DNAH6: variants seen among roughly 807,000 people sequenced by gnomAD.
DNAH6 encodes the protein dynein axonemal heavy chain 6, also known as axonemal beta dynein heavy chain 6.
DNAH6 carries 340 observed loss-of-function variants against 491.4 expected under a neutral mutation model. That is an observed-to-expected ratio of 0.69 (90% confidence interval 0.63 to 0.76). DNAH6 has a LOEUF of 0.76. DNAH6 is among the 30% of genes least tolerant of loss of function. The pLI, the probability that DNAH6 is intolerant of heterozygous loss-of-function variation, is 0.00. For missense variants in DNAH6, 4,443 were observed against 4,972.2 expected (o/e 0.89, Z 3.20); for synonymous variants, 1,603 against 1,686.1 (o/e 0.95, Z 1.21).
At chr2:84,791,957 G>T (rs1451792302) in intron 68 of DNAH6, among the ~76,000 whole-genome samples, 1 of 152,046 alleles carries the variant, frequency 6.6e-6, no homozygotes, top group Non-Finnish European at 1.5e-5. Context: ...ATTCGTAGTA[G>T]CCAAAATATG....
rs948983901 is a variant in DNAH6, at chr2:84,728,044, C to G, written c.10206+142C>G. ...GATTACTGAATCACGGGGGCAGTTT[C>G]CCCCATACTGTTCTCGTGGTAGTGA... On this transcript the variant is annotated intron_variant, in intron 61 of 76. Transcript: ENST00000389394. The G allele has an allele frequency of 1.7e-4, 105 of 625,714 alleles. No homozygotes were observed. The East Asian group carries it at 2.8e-3, about 17-fold the overall frequency. 38.8% of individuals were successfully genotyped at this position (625,714 alleles called of 1,614,324 possible). A position where few individuals can be genotyped will look rare whatever the true frequency, so the allele number is the denominator to read the frequency against.
intron 43 of DNAH6, among the ~76,000 whole-genome samples, chr2:84,685,699 C>A (rs1032886363): frequency 6.6e-6 from 1 of 151,796 alleles, no homozygotes. Flanking sequence ...GCCTGTAATC[C>A]CAGTACTTTC....
Position 84,632,880 on chromosome 2 carries a change from C to T in DNAH6, c.4516-1624C>T, listed in dbSNP as rs563988382. Among the ~76,000 whole-genome samples, 7 of 152,312 alleles carry T rather than the reference C, an allele frequency of 4.6e-5. No individual in the cohort carries two copies. The South Asian group carries it at 1.2e-3, about 27-fold the overall frequency. On this transcript the variant is annotated intron_variant, in intron 29 of 76. Transcript: ENST00000389394. ...AATTACTTTCTGTTCCCTAAATTAT[C>T]TCCACTTTCTCCAAAGTTGCCCGTT...
At chr2:84,524,561 A>G (rs1251910263) in intron 2 of DNAH6, among the ~76,000 whole-genome samples, 4 of 151,896 alleles carry the variant, frequency 2.6e-5, no homozygotes, top group Admixed American at 1.3e-4. Context: ...GTGTTTTTGT[A>G]TTGGCTGGTA....
intron 71 of DNAH6, 33 bp downstream of exon 71, chr2:84,805,827 G>A: frequency 2.0e-6 from 3 of 1,529,206 alleles, no homozygotes; most frequent in Non-Finnish European, 2.6e-6. Flanking sequence ...TGTATGTAAT[G>A]GGAATTTTAG....
At position 84,698,310 on chromosome 2, in the gene DNAH6, G is replaced by T. The variant is rs554433665; in HGVS notation, c.7677+583G>T. ...TTGTGAGAATTGTCTCTCCTGCTAGGTCGGAGATTATAGGTACAGATGCAA... is the reference window on the plus strand; with the variant it reads ...TTGTGAGAATTGTCTCTCCTGCTAGTTCGGAGATTATAGGTACAGATGCAA... On this transcript the variant is annotated intron_variant, in intron 47 of 76. Transcript: ENST00000389394. Among the ~76,000 whole-genome samples the T allele has an allele frequency of 2.0e-5, 3 of 152,266 alleles. No individual in the cohort carries two copies. The East Asian group carries it at 5.8e-4, about 29-fold the overall frequency.
chr2:84,619,979 A>G, intron 24 of DNAH6, 75 bp downstream of exon 24: 2 of 1,259,392 alleles, frequency 1.6e-6, no homozygotes, highest in Non-Finnish European at 2.2e-6. Flanking sequence ...CTCTAAGCAT[A>G]CAGGTACTCT....
chr2:84,716,227 T>C (rs1163878084), intron 58 of DNAH6, among the ~76,000 whole-genome samples: 1 of 150,874 alleles, frequency 6.6e-6, no homozygotes, highest in Non-Finnish European at 1.5e-5. Context: ...ATTTCCCAAA[T>C]ATTGCATTAT....
chr2:84,461,091 C>T, the DNAH6 span, among the ~76,000 whole-genome samples: 5 of 152,164 alleles, frequency 3.3e-5, no homozygotes, highest in Admixed American at 3.3e-4. Flanking sequence ...AGGGTAATCA[C>T]CCCAGCACCT....
At chr2:84,610,986 A>T (rs1531365) in intron 21 of DNAH6, among the ~76,000 whole-genome samples, 1 of 152,080 alleles carries the variant, frequency 6.6e-6, no homozygotes, top group African/African-American at 2.4e-5. Flanking sequence ...AAGTGGTTGT[A>T]ACATTTGGGC....
the DNAH6 span, among the ~76,000 whole-genome samples, chr2:84,487,737 T>G: frequency 1.3e-5 from 2 of 152,166 alleles, no homozygotes; most frequent in Non-Finnish European, 2.9e-5. Flanking sequence ...TCACAAATAT[T>G]TGGGCCCACT....
intron 46 of DNAH6, 125 bp from the exon 47 acceptor site, chr2:84,697,450 A>G (rs1242472421): frequency 1.8e-6 from 2 of 1,085,856 alleles, no homozygotes; most frequent in Non-Finnish European, 2.6e-6. Context: ...GGGTTCCATG[A>G]AATTTTTAAG....
intron 68 of DNAH6, among the ~76,000 whole-genome samples, chr2:84,790,667 T>G (rs1464965632): frequency 1.3e-5 from 2 of 152,166 alleles, no homozygotes; most frequent in Admixed American, 1.3e-4. Flanking sequence ...AAATGAAAGT[T>G]AAATCTCTAA....
chr2:84,694,087 G>T (rs1397327749), intron 45 of DNAH6, among the ~76,000 whole-genome samples, 162 bp from the exon 46 acceptor site: 1 of 152,256 alleles, frequency 6.6e-6, no homozygotes, highest in Non-Finnish European at 1.5e-5. Context: ...CAGCAGTGCT[G>T]TTCACCAAAC....
chr2:84,635,306 C>T (rs1045958443), intron 30 of DNAH6, among the ~76,000 whole-genome samples: 3 of 152,186 alleles, frequency 2.0e-5, no homozygotes, highest in African/African-American at 7.2e-5. Flanking sequence ...ATGGTATGTG[C>T]TCACACTTAT....
chr2:84,607,411 A>T (rs1422985971), intron 21 of DNAH6, among the ~76,000 whole-genome samples: 3 of 152,170 alleles, frequency 2.0e-5, no homozygotes, highest in Admixed American at 2.0e-4. Flanking sequence ...GTTTCCAAGA[A>T]CATATAAAAG....
At chr2:84,524,339 G>T (rs1421438448) in intron 2 of DNAH6, among the ~76,000 whole-genome samples, 1 of 151,778 alleles carries the variant, frequency 6.6e-6, no homozygotes, top group Non-Finnish European at 1.5e-5. Flanking sequence ...GTCCCTGGGT[G>T]TTACTGCATG....
At chr2:84,483,695 A>G in the DNAH6 span, among the ~76,000 whole-genome samples, 1 of 152,218 alleles carries the variant, frequency 6.6e-6, no homozygotes, top group South Asian at 2.1e-4. Flanking sequence ...TAAAATAATT[A>G]TAGATTTATA....
chr2:84,733,392 A>G, intron 61 of DNAH6, 52 bp from the exon 62 acceptor site: 3 of 1,500,266 alleles, frequency 2.0e-6, no homozygotes, highest in Non-Finnish European at 2.7e-6. Context: ...AAGTGAAAGT[A>G]TATTTTGTGA....
Sources: gnomAD v4.1 joint callset for allele counts (sites outside exome capture counted in the v4.1 genomes callset) on GRCh38, gnomAD v4.1.1 for gene constraint, MANE v1.5 for transcripts, NCBI Gene and HGNC (gene_info 2026-07-23, HGNC 2026-07-21) for gene names.